HYDIN: variants seen among roughly 807,000 people sequenced by gnomAD.
HYDIN encodes the protein axonemal central pair apparatus protein HYDIN.
Under a neutral mutation model 403.9 loss-of-function variants are expected in HYDIN, and 132 were observed. The ratio of observed to expected loss-of-function variants is 0.33; its 90% CI spans 0.28 to 0.38. The LOEUF (loss-of-function observed/expected upper bound fraction) is 0.38. Among genes scored for constraint, HYDIN ranks in the 10% least tolerant of loss-of-function variants. The pLI is 1.00. For missense variants in HYDIN, 2,827 were observed against 5,009.5 expected (o/e 0.56, Z 13.15); for synonymous variants, 1,202 against 1,891.7 (o/e 0.64, Z 9.46).
chr16:70,831,526 AAC>A (rs1170732923), intron 80 of HYDIN, among the ~76,000 whole-genome samples: 1 of 146,448 alleles, frequency 6.8e-6, no homozygotes, highest in African/African-American at 2.7e-5. Flanking sequence ...AAAAAAAAAA[AAC>A]CAAAAAAAAA....
rs555631284 is a variant in HYDIN at position 71,100,272 on chromosome 16, T to G, written c.1328-6337A>C. Among the ~76,000 whole-genome samples the G allele has an allele frequency of 2.0e-5, 3 of 152,352 alleles. No homozygotes were observed. In the East Asian group the frequency reaches 5.8e-4, roughly 29 times the overall value. ...GAATAAATAGAGAACTAGACTATAT[T>G]CTTGAAAAGGAAGATTCAATGTCAT... On this transcript the variant is annotated intron_variant, in intron 10 of 85. Coordinates refer to ENST00000393567, the MANE Select transcript of HYDIN (RefSeq NM_001270974.2).
intron 5 of HYDIN, among the ~76,000 whole-genome samples, chr16:71,168,677 TG>T (rs1463240772): frequency 1.3e-5 from 2 of 152,132 alleles, no homozygotes; most frequent in Non-Finnish European, 2.9e-5. Context: ...GAGTAATTCC[TG>T]GGACCCAACT....
chr16:70,842,005 T>C (rs1326475952), intron 75 of HYDIN, among the ~76,000 whole-genome samples: 1 of 150,866 alleles, frequency 6.6e-6, no homozygotes, highest in African/African-American at 2.5e-5. Flanking sequence ...AAAGATGATG[T>C]GTTAGGCTGG....
chr16:71,109,440 T>C (rs1339493484), intron 10 of HYDIN, among the ~76,000 whole-genome samples: 1 of 137,306 alleles, frequency 7.3e-6, no homozygotes, highest in Non-Finnish European at 1.5e-5. Context: ...ACGTTTATCT[T>C]AAAGCAAAGG....
At chr16:70,812,962 T>A (rs7193891) in intron 84 of HYDIN, among the ~76,000 whole-genome samples, 2,792 of 152,052 alleles carry the variant, frequency 0.018, 86 homozygotes, top group African/African-American at 0.063. Context: ...ATTCTTTTTT[T>A]ATTTTTTTGA....
intron 10 of HYDIN, among the ~76,000 whole-genome samples, chr16:71,096,534 C>T (rs2083283085): frequency 6.6e-6 from 1 of 151,716 alleles, no homozygotes. Flanking sequence ...TCAGTATTTT[C>T]AGATATTTTA....
In HYDIN at chr16:70,976,846, T is replaced by C. The variant is rs534268197; in HGVS notation, c.4639-1577A>G. On this transcript the variant is annotated intron_variant, in intron 30 of 85. Coordinates refer to ENST00000393567, the MANE Select transcript of HYDIN (RefSeq NM_001270974.2). The stretch of plus-strand genomic sequence containing the variant: ...ATACTATTTGAAAAGGGCTAATCCT[T>C]AAGTCTAGGCCCAGCAGGGAAGGTT... Among the ~76,000 whole-genome samples the C allele has an allele frequency of 3.9e-5, 6 of 152,276 alleles. No individual in the cohort carries two copies. The East Asian group carries it at 7.7e-4, about 20-fold the overall frequency.
At chr16:71,102,436 G>A (rs2036977) in intron 10 of HYDIN, among the ~76,000 whole-genome samples, 5 of 152,066 alleles carry the variant, frequency 3.3e-5, no homozygotes, top group Admixed American at 2.6e-4. Flanking sequence ...TATTATATGG[G>A]TATTTCTTGG....
intron 18 of HYDIN, among the ~76,000 whole-genome samples, chr16:71,039,548 G>C (rs2081213037): frequency 6.6e-6 from 1 of 152,102 alleles, no homozygotes; most frequent in Admixed American, 6.5e-5. Context: ...CCATGCCCCA[G>C]CCTGTGCCTA....
Position 70,868,688 on chromosome 16 carries a change from G to A in HYDIN, c.11192C>T (p.Ser3731Phe). 2 of 1,614,156 alleles carry A rather than the reference G, an allele frequency of 1.2e-6. No individual in the cohort carries two copies. The highest frequency in any genetic ancestry group is 1.7e-6 in the Non-Finnish European group (2 of 1,180,032). The change falls in exon 66 of 86, where the codon TCC (serine) becomes TTC (phenylalanine). Residue 3731 changes from serine to phenylalanine, a missense_variant. Coordinates refer to ENST00000393567, the MANE Select transcript of HYDIN (RefSeq NM_001270974.2). ...LKNMRIRCKL[S>F]RIMFQLPADQ... ...TGCAGGGAGCTGAAACATAATCCTG[G>A]AGAGCTTGCACCTGATCCGCATATT...
intron 9 of HYDIN, among the ~76,000 whole-genome samples, chr16:71,118,468 T>C (rs2144479257): frequency 6.6e-6 from 1 of 151,708 alleles, no homozygotes. Flanking sequence ...ATTTGTTGAA[T>C]CTGCAATATC....
chr16:70,884,495 C>T (rs1174204390), intron 58 of HYDIN, among the ~76,000 whole-genome samples: 4 of 152,152 alleles, frequency 2.6e-5, no homozygotes, highest in Admixed American at 1.3e-4. Flanking sequence ...GAGTGACACA[C>T]GCCTGGGTTT....
chr16:71,175,526 A>C, intron 5 of HYDIN, 81 bp downstream of exon 5: 2 of 1,406,810 alleles, frequency 1.4e-6, no homozygotes, highest in Admixed American at 1.8e-5. Context: ...CACCACCAGC[A>C]CTACCGCCTC....
chr16:71,045,545 C>A lies in HYDIN; in HGVS notation c.2530-13628G>T, dbSNP rs565140370. The stretch of plus-strand genomic sequence containing the variant: ...ATAATCTTTTAGGTTACTAGCTTAG[C>A]ATCCTTGAACAAAGACCATCATCTT... On this transcript the variant is annotated intron_variant, in intron 18 of 85. Transcript: ENST00000393567. Among the ~76,000 whole-genome samples the A allele has an allele frequency of 7.5e-3, 1,126 of 150,312 alleles. 10 individuals are homozygous for A. Among genetic ancestry groups the A allele is most frequent in the African/African-American group, 0.026 (1,059 of 40,876 alleles).
chr16:71,152,166 T>G (rs1446998951), intron 7 of HYDIN, among the ~76,000 whole-genome samples: 1 of 150,776 alleles, frequency 6.6e-6, no homozygotes, highest in Admixed American at 6.6e-5. Flanking sequence ...TCCTCAGGCT[T>G]TCAAGCACTG....
rs1028731397 is a variant in HYDIN, at chr16:70,818,537, C to T, written c.14463G>A (p.Leu4821=). The T allele has an allele frequency of 9.3e-6, 12 of 1,286,832 alleles. No homozygotes were observed. The African/African-American group carries it at 1.4e-4, about 15-fold the overall frequency. 79.7% of individuals were successfully genotyped at this position (1,286,832 alleles called of 1,614,324 possible). A position where few individuals can be genotyped will look rare whatever the true frequency, so the allele number is the denominator to read the frequency against. ...TGACCCTGAAACTCACATTGTAGTACAAGAACTCATTTGTCACCTCGTTTC... is the reference window on the plus strand; with the variant it reads ...TGACCCTGAAACTCACATTGTAGTATAAGAACTCATTTGTCACCTCGTTTC... ...IFRNEVTNEF[L]YYNVSFRVIP... Residue 4821 remains leucine, a synonymous_variant, in exon 84 of 86, where the codon TTG becomes TTA. Coordinates refer to ENST00000393567, the MANE Select transcript of HYDIN (RefSeq NM_001270974.2).
intron 13 of HYDIN, among the ~76,000 whole-genome samples, chr16:71,072,316 T>C (rs945890363): frequency 6.8e-6 from 1 of 147,970 alleles, no homozygotes; most frequent in Admixed American, 6.8e-5. Flanking sequence ...ATTGTACAAG[T>C]GGGATGTGAG....
intron 23 of HYDIN, among the ~76,000 whole-genome samples, chr16:70,994,119 A>G (rs1036142960): frequency 8.5e-5 from 13 of 152,318 alleles, no homozygotes; most frequent in Admixed American, 8.5e-4. Context: ...AAGGGAAAAC[A>G]CTGGGCTGGC....
intron 29 of HYDIN, among the ~76,000 whole-genome samples, chr16:70,979,765 C>T (rs932829412): frequency 3.3e-5 from 5 of 152,046 alleles, no homozygotes; most frequent in Non-Finnish European, 7.4e-5. Context: ...AACCCCGTCT[C>T]TACAAAAAAT....
Sources: allele counts gnomAD v4.1 joint callset (sites outside exome capture counted in the v4.1 genomes callset), GRCh38; gene constraint gnomAD v4.1.1; transcripts MANE v1.5; gene names NCBI Gene and HGNC (gene_info 2026-07-23, HGNC 2026-07-21).